Variants in STK33 observed in about 807,000 individuals in gnomAD.
STK33 encodes the protein serine/threonine kinase 33, also known as serine/threonine-protein kinase 33.
Under a neutral mutation model 58.0 loss-of-function variants are expected in STK33, and 52 were observed. The observed-to-expected ratio is 0.90, with a 90% CI of 0.72 to 1.13. The LOEUF is 1.13. Among genes scored for constraint, STK33 ranks in the 50% most tolerant of loss-of-function variants. STK33 has a pLI of 0.00. For synonymous variants in STK33, 215 were observed against 200.1 expected, an observed-to-expected ratio of 1.07 and a Z score of -0.63; for missense variants, 630 against 604.2, an observed-to-expected ratio of 1.04 and a Z score of -0.45.
At chr11:8,576,765 T>A (rs2141252476) in intron 1 of STK33, among the ~76,000 whole-genome samples, 1 of 152,280 alleles carries the variant, frequency 6.6e-6, no homozygotes, top group Middle Eastern at 3.4e-3. Context: ...GCCACACAGC[T>A]AATAAATGAC....
chr11:8,508,266 C>CTTTTTTTTTTTTTT (rs34759366), intron 1 of STK33, among the ~76,000 whole-genome samples: 3 of 114,260 alleles, frequency 2.6e-5, no homozygotes, highest in African/African-American at 1.1e-4. Flanking sequence ...ACCTTCTATT[C>CTTTTTTTTTTTTTT]TTTTTTTTTT....
the STK33 span, among the ~76,000 whole-genome samples, chr11:8,367,697 T>C: frequency 6.6e-6 from 1 of 152,220 alleles, no homozygotes; most frequent in Admixed American, 6.5e-5. Flanking sequence ...GTGGGCACTA[T>C]CACCATTCCT....
intron 1 of STK33, among the ~76,000 whole-genome samples, chr11:8,584,346 T>C (rs2031076183): frequency 6.6e-6 from 1 of 152,206 alleles, no homozygotes; most frequent in Non-Finnish European, 1.5e-5. Flanking sequence ...TGGAACTTCA[T>C]ACATATTCCT....
chr11:8,371,815 C>T, the STK33 span, among the ~76,000 whole-genome samples: 1 of 145,160 alleles, frequency 6.9e-6, no homozygotes, highest in Non-Finnish European at 1.5e-5. Context: ...CTCTCCCTCC[C>T]TTCCTCCTTC....
intron 1 of STK33, among the ~76,000 whole-genome samples, chr11:8,496,644 G>C (rs563876778): frequency 2.7e-5 from 4 of 150,086 alleles, no homozygotes; most frequent in African/African-American, 9.8e-5. Context: ...GCGTGATCTC[G>C]GCTCACTGCA....
At chr11:8,518,929 C>A (rs1331229538) in intron 1 of STK33, among the ~76,000 whole-genome samples, 1 of 152,140 alleles carries the variant, frequency 6.6e-6, no homozygotes, top group Non-Finnish European at 1.5e-5. Context: ...TTAGTCAGAT[C>A]AACAAGACAG....
chr11:8,560,834 A>G (rs1297381307), intron 1 of STK33, among the ~76,000 whole-genome samples: 1 of 152,210 alleles, frequency 6.6e-6, no homozygotes, highest in African/African-American at 2.4e-5. Context: ...TTCTACAGCT[A>G]CTTATGAGAA....
chr11:8,383,747 T>C, the STK33 span, among the ~76,000 whole-genome samples: 2 of 152,222 alleles, frequency 1.3e-5, no homozygotes, highest in Admixed American at 1.3e-4. Context: ...ATCCTTCTTC[T>C]TGCCAAAATA....
chr11:8,418,797 G>A (rs1256075032), intron 14 of STK33, among the ~76,000 whole-genome samples: 1 of 152,120 alleles, frequency 6.6e-6, no homozygotes, highest in Non-Finnish European at 1.5e-5. Context: ...TGACTGGTGT[G>A]AGATGGTATC....
intron 1 of STK33, among the ~76,000 whole-genome samples, chr11:8,569,590 C>T (rs1957666363): frequency 6.6e-6 from 1 of 152,078 alleles, no homozygotes; most frequent in Non-Finnish European, 1.5e-5. Flanking sequence ...AAACATTAGC[C>T]ATAAGAGAAA....
chr11:8,458,798 C>G (rs1947180792), intron 8 of STK33, among the ~76,000 whole-genome samples: 1 of 152,148 alleles, frequency 6.6e-6, no homozygotes, highest in Non-Finnish European at 1.5e-5. Context: ...ATAACCTATG[C>G]TGCTAGATTT....
intron 6 of STK33, among the ~76,000 whole-genome samples, chr11:8,471,964 C>T (rs1408591176): frequency 2.0e-5 from 3 of 152,138 alleles, no homozygotes; most frequent in African/African-American, 4.8e-5. Flanking sequence ...CTCACTCTGT[C>T]GCCCAGGCTA....
chr11:8,518,089 G>A (rs970948350), intron 1 of STK33, among the ~76,000 whole-genome samples: 4 of 152,208 alleles, frequency 2.6e-5, no homozygotes, highest in Non-Finnish European at 5.9e-5. Flanking sequence ...GGCAGCCAGA[G>A]AGAAAGGTCG....
chr11:8,426,968 T>C (rs1390781410), intron 14 of STK33, among the ~76,000 whole-genome samples: 1 of 152,210 alleles, frequency 6.6e-6, no homozygotes, highest in Non-Finnish European at 1.5e-5. Context: ...GTGGATATTA[T>C]CATGAATTTT....
At chr11:8,383,976 A>G in the STK33 span, among the ~76,000 whole-genome samples, 4 of 152,232 alleles carry the variant, frequency 2.6e-5, no homozygotes, top group East Asian at 1.9e-4. Flanking sequence ...CCTTAAATCC[A>G]TCTCAAGTAG....
chr11:8,590,834 G>A (rs1410416648), intron 1 of STK33, among the ~76,000 whole-genome samples: 2 of 152,124 alleles, frequency 1.3e-5, no homozygotes, highest in African/African-American at 4.8e-5. Flanking sequence ...CAGCAGGAAA[G>A]GAAATTCTTT....
the STK33 span, among the ~76,000 whole-genome samples, chr11:8,356,545 G>A: frequency 1.2e-4 from 18 of 151,920 alleles, no homozygotes; most frequent in African/African-American, 1.5e-4. Context: ...TGGTGGGGGC[G>A]TGGGGGGACC....
At chr11:8,344,230 C>CACACACACACA in the STK33 span, among the ~76,000 whole-genome samples, 12 of 147,590 alleles carry the variant, frequency 8.1e-5, no homozygotes, top group East Asian at 2.1e-4. Context: ...CACACACACA[C>CACACACACACA]CCCAGTTAGC....
chr11:8,564,952 G>A (rs1372768413), intron 1 of STK33, among the ~76,000 whole-genome samples: 3 of 152,186 alleles, frequency 2.0e-5, no homozygotes, highest in Non-Finnish European at 2.9e-5. Context: ...AAGCACTGCT[G>A]CCTGCAGGTG....
Sources: gnomAD v4.1 joint callset for allele counts (sites outside exome capture counted in the v4.1 genomes callset) on GRCh38, gnomAD v4.1.1 for gene constraint, MANE v1.5 for transcripts, NCBI Gene and HGNC (gene_info 2026-07-23, HGNC 2026-07-21) for gene names.